The following EMP2 variants were observed in gnomAD, a reference collection of about 807,000 sequenced individuals.
EMP2 encodes the protein epithelial membrane protein 2.
Under a neutral mutation model 13.7 loss-of-function variants are expected in EMP2, and 19 were observed. The observed-to-expected ratio is 1.38, with a 90% confidence interval of 0.97 to 2.03. The LOEUF (loss-of-function observed/expected upper bound fraction) is 2.03. EMP2 is among the 30% of genes most tolerant of loss of function. The pLI is 0.00. For missense variants in EMP2, 253 were observed against 220.7 expected (o/e 1.15, Z -0.93); for synonymous variants, 97 against 84.7 (o/e 1.15, Z -0.80).
At chr16:10,566,667 A>C (rs925529488) in intron 1 of EMP2, among the ~76,000 whole-genome samples, 14 of 152,182 alleles carry the variant, frequency 9.2e-5, no homozygotes, top group African/African-American at 3.4e-4. Context: ...GTGGTCTCCA[A>C]CCACGAAGTC....
rs2050604951 is a variant in EMP2, at chr16:10,531,768, AATGAATG to A, written c.*1130_*1136del. 1 of 154,362 alleles carries A rather than the reference AATGAATG, an allele frequency of 6.5e-6. No individual in the cohort carries two copies. The highest frequency in any genetic ancestry group is 1.5e-5 in the Non-Finnish European group (1 of 68,192). 9.6% of individuals were successfully genotyped at this position (154,362 alleles called of 1,614,324 possible). The stretch of plus-strand genomic sequence containing the variant: ...ATGTTGATGAATGAATGAATGAATG[AATGAATG>A]AATGAATGAATGAATGGTGGATGGG... On this transcript the variant is annotated 3_prime_UTR_variant, in exon 5 of 5. Coordinates refer to ENST00000359543, the MANE Select transcript of EMP2 (RefSeq NM_001424.6).
At chr16:10,563,970 C>T (rs916557397) in intron 1 of EMP2, among the ~76,000 whole-genome samples, 2 of 152,240 alleles carry the variant, frequency 1.3e-5, no homozygotes, top group African/African-American at 4.8e-5. Flanking sequence ...CAAGGGTGAA[C>T]CAGTGGTGTT....
chr16:10,553,979 A>C (rs2050808475), intron 1 of EMP2, among the ~76,000 whole-genome samples: 1 of 152,036 alleles, frequency 6.6e-6, no homozygotes, highest in Non-Finnish European at 1.5e-5. Context: ...ATACTGTGTC[A>C]GCCCTGATCT....
At position 10,579,708 on chromosome 16, in the gene EMP2, GCACACACACA is replaced by G. The variant is rs71133370; in HGVS notation, c.-61+831_-61+840del. Among the ~76,000 whole-genome samples, 766 of 146,772 alleles carry G rather than the reference GCACACACACA, an allele frequency of 5.2e-3. 7 individuals carry two copies. The highest frequency in any genetic ancestry group is 5.4e-3 in the Non-Finnish European group (363 of 67,196). ...CACAGCTGAATTATAAGATCAAGGT[GCACACACACA>G]CACACACACACACACACACACCCTC... On this transcript the variant is annotated intron_variant, in intron 1 of 4. Coordinates refer to ENST00000359543, the MANE Select transcript of EMP2 (RefSeq NM_001424.6).
At chr16:10,539,429 G>A (rs747633324) in intron 3 of EMP2, among the ~76,000 whole-genome samples, 7 of 152,184 alleles carry the variant, frequency 4.6e-5, no homozygotes, top group Non-Finnish European at 1.0e-4. Flanking sequence ...AGCGAAAGGA[G>A]TCAGACCGGC....
At position 10,549,867 on chromosome 16, in the gene EMP2, CT is replaced by C. The variant is rs1389070058; in HGVS notation, c.-60-2191del. On this transcript the variant is annotated intron_variant, in intron 1 of 4. Coordinates refer to ENST00000359543, the MANE Select transcript of EMP2 (RefSeq NM_001424.6). ...CATTTTCTTTCTTTTCTTTTCTTTT[CT>C]TTTTTTTTCTTTTTCTTTTTTTTTT... is the stretch of plus-strand genomic sequence containing the variant. 3.7e-4 allele frequency among the ~76,000 whole-genome samples: 52 copies of C among 139,682 alleles called. No homozygotes were observed. The East Asian group carries it at 9.0e-3, about 24-fold the overall frequency. The allele number at this position is 139,682 out of a possible 152,430, so 91.6% of individuals were successfully genotyped here.
intron 1 of EMP2, among the ~76,000 whole-genome samples, chr16:10,572,697 T>A (rs997886548): frequency 1.3e-5 from 2 of 152,170 alleles, no homozygotes; most frequent in Non-Finnish European, 2.9e-5. Flanking sequence ...AGTTTCCAAA[T>A]AGCACCTCCT....
At chr16:10,538,709 G>T (rs563471949) in intron 3 of EMP2, among the ~76,000 whole-genome samples, 25 of 152,254 alleles carry the variant, frequency 1.6e-4, no homozygotes, top group Admixed American at 3.9e-4. Context: ...GTCACATGGG[G>T]GCAGGTCACA....
At chr16:10,575,883 A>AGG (rs1428165589) in intron 1 of EMP2, among the ~76,000 whole-genome samples, 2 of 152,080 alleles carry the variant, frequency 1.3e-5, no homozygotes, top group East Asian at 3.9e-4. Flanking sequence ...AGCTGAACAT[A>AGG]GGGGCCTCTT....
At chr16:10,543,740 G>A in intron 2 of EMP2, 80 bp from the exon 3 acceptor site, 1 of 1,369,124 alleles carries the variant, frequency 7.3e-7, no homozygotes. Context: ...CACGAGGCAT[G>A]GTGGGCTTCC....
Position 10,550,299 on chromosome 16 carries a change from A to G in EMP2, c.-60-2622T>C, listed in dbSNP as rs117340039. Among the ~76,000 whole-genome samples the G allele has an allele frequency of 9.7e-4, 148 of 152,220 alleles. 2 individuals carry two copies. The East Asian group carries it at 0.026, about 27-fold the overall frequency. On this transcript the variant is annotated intron_variant, in intron 1 of 4. Coordinates refer to ENST00000359543, the MANE Select transcript of EMP2 (RefSeq NM_001424.6). Reference sequence around the variant, plus strand: ...TCAAATTTCCCCAATTAACCCAATAATGTTCTACATGGCTTTCTTTTTCCT... The same window carrying G: ...TCAAATTTCCCCAATTAACCCAATAGTGTTCTACATGGCTTTCTTTTTCCT...
chr16:10,569,674 C>T (rs1010907226), intron 1 of EMP2, among the ~76,000 whole-genome samples: 1 of 152,138 alleles, frequency 6.6e-6, no homozygotes, highest in African/African-American at 2.4e-5. Context: ...CATCACTTGC[C>T]AAGGGACATT....
intron 1 of EMP2, among the ~76,000 whole-genome samples, chr16:10,577,410 A>C (rs1313694749): frequency 6.7e-6 from 1 of 149,744 alleles, no homozygotes; most frequent in East Asian, 2.0e-4. Context: ...ATATTTTTAG[A>C]CTCCCCCCTG....
Position 10,538,183 on chromosome 16 carries a change from G to A in EMP2, c.170-109C>T, listed in dbSNP as rs75808286. ...AGTAGGTGTGACAGGAGGCAAACAGGAAGGGGTTCAGGCGGTCGTCTACAT... is the reference window on the plus strand; with the variant it reads ...AGTAGGTGTGACAGGAGGCAAACAGAAAGGGGTTCAGGCGGTCGTCTACAT... On this transcript the variant is annotated intron_variant, in intron 3 of 4. Transcript: ENST00000359543. 1,346 of 1,379,202 alleles carry A rather than the reference G, an allele frequency of 9.8e-4. 16 individuals are homozygous for A. In the East Asian group the frequency reaches 0.016, roughly 17 times the overall value. 85.4% of individuals were successfully genotyped at this position (1,379,202 alleles called of 1,614,324 possible). A position where few individuals can be genotyped will look rare whatever the true frequency, so the allele number is the denominator to read the frequency against.
At chr16:10,560,440 T>C (rs1269946413) in intron 1 of EMP2, among the ~76,000 whole-genome samples, 2 of 152,190 alleles carry the variant, frequency 1.3e-5, no homozygotes, top group East Asian at 3.9e-4. Context: ...TTAAGGAGTT[T>C]GTTCACATCA....
chr16:10,532,759 T>TTTTTCTTTTTC lies in EMP2; in HGVS notation c.*145_*146insGAAAAAGAAAA, dbSNP rs1491247188. The TTTTTCTTTTTC allele has an allele frequency of 8.0e-6, 1 of 125,148 alleles. No homozygotes were observed. Among genetic ancestry groups the TTTTTCTTTTTC allele is most frequent in the African/African-American group, 7.3e-5 (1 of 13,632 alleles). 7.8% of individuals were successfully genotyped at this position (125,148 alleles called of 1,614,324 possible). ...TTTTGGATTTTTTTTTTCTTTTTTC[T>TTTTTCTTTTTC]TTTTTTTTTTTTTTTTTTTTTTTTT... On this transcript the variant is annotated 3_prime_UTR_variant, in exon 5 of 5. Transcript: ENST00000359543.
At chr16:10,577,823 C>T (rs1275575834) in intron 1 of EMP2, among the ~76,000 whole-genome samples, 3 of 152,054 alleles carry the variant, frequency 2.0e-5, no homozygotes, top group Non-Finnish European at 4.4e-5. Flanking sequence ...TAAGTAACGT[C>T]ACCGCCTCCC....
In EMP2 at chr16:10,533,109, T is replaced by A; in HGVS notation, c.317-17A>T. The A allele has an allele frequency of 6.5e-7, 1 of 1,536,008 alleles. No homozygotes were observed. The highest frequency in any genetic ancestry group is 1.9e-5 in the Admixed American group (1 of 53,582). The stretch of plus-strand genomic sequence containing the variant: ...CACACAGACCTGTCAGGAAGAAAGG[T>A]GAATTTTCAATAAATCATGGACCAC... On this transcript the variant is annotated splice_polypyrimidine_tract_variant and intron_variant, in intron 4 of 4. Coordinates refer to ENST00000359543, the MANE Select transcript of EMP2 (RefSeq NM_001424.6).
At chr16:10,550,212 T>C (rs2050776331) in intron 1 of EMP2, among the ~76,000 whole-genome samples, 1 of 152,126 alleles carries the variant, frequency 6.6e-6, no homozygotes, top group Non-Finnish European at 1.5e-5. Context: ...AACCACACTA[T>C]GATGATCACA....
Sources: gnomAD v4.1 joint callset for allele counts (sites outside exome capture counted in the v4.1 genomes callset) on GRCh38, gnomAD v4.1.1 for gene constraint, MANE v1.5 for transcripts, NCBI Gene and HGNC (gene_info 2026-07-23, HGNC 2026-07-21) for gene names.